The following HOMER2 variants were observed in gnomAD, a reference collection of about 807,000 sequenced individuals.
The protein encoded by HOMER2 is homer protein homolog 2.
In HOMER2, 27 loss-of-function variants were observed where a neutral mutation model predicts 47.0. That is an observed-to-expected ratio of 0.57 (90% CI 0.42 to 0.79). HOMER2 has a LOEUF of 0.79. Ranked by LOEUF, HOMER2 falls within the 30% of genes least tolerant of loss-of-function variation. HOMER2 has a pLI of 0.00. For missense variants in HOMER2, 443 were observed against 435.0 expected (o/e 1.02, Z -0.16); for synonymous variants, 161 against 163.8 (o/e 0.98, Z 0.13).
At chr15:82,947,595 C>G (rs769327005) in intron 1 of HOMER2, among the ~76,000 whole-genome samples, 1 of 152,140 alleles carries the variant, frequency 6.6e-6, no homozygotes, top group Non-Finnish European at 1.5e-5. Context: ...GCAGACGGCC[C>G]GAAAATTAAC....
At chr15:82,864,046 T>C (rs1240402552) in intron 4 of HOMER2, 121 bp downstream of exon 4, 2 of 608,636 alleles carry the variant, frequency 3.3e-6, no homozygotes, top group South Asian at 4.3e-5. Context: ...AGGCTAATAG[T>C]TGAAAAAGCC....
chr15:82,903,190 A>ATGAG lies in HOMER2; in HGVS notation c.6-10353_6-10350dup, dbSNP rs1281698674. On this transcript the variant is annotated intron_variant, in intron 1 of 8. Coordinates refer to ENST00000450735, the MANE Select transcript of HOMER2 (RefSeq NM_004839.4). ...TTCGCAATCATCCAGGCACCTGGAG[A>ATGAG]TGAGGGCCTGGCCTAGAGCGGTAGG... Among the ~76,000 whole-genome samples, 12 of 152,320 alleles carry ATGAG rather than the reference A, an allele frequency of 7.9e-5. No individual in the cohort carries two copies. In the South Asian group the frequency reaches 2.5e-3, roughly 32 times the overall value.
At chr15:82,970,244 T>C (rs542352444) in intron 1 of HOMER2, among the ~76,000 whole-genome samples, 4 of 152,222 alleles carry the variant, frequency 2.6e-5, no homozygotes, top group Admixed American at 6.5e-5. Context: ...TCAGCAGGGC[T>C]TGGGGACTAT....
chr15:82,965,408 C>T (rs74030853), intron 1 of HOMER2, among the ~76,000 whole-genome samples: 213 of 152,296 alleles, frequency 1.4e-3, no homozygotes, highest in African/African-American at 5.0e-3. Flanking sequence ...ATAAAAGATA[C>T]TGTTACCCAA....
chr15:82,900,179 C>A (rs1028067097), intron 1 of HOMER2, among the ~76,000 whole-genome samples: 3 of 152,120 alleles, frequency 2.0e-5, no homozygotes, highest in Non-Finnish European at 1.5e-5. Context: ...CCTATAGTCC[C>A]AGCCACTCAG....
intron 1 of HOMER2, among the ~76,000 whole-genome samples, chr15:82,915,446 T>G (rs1731509872): frequency 6.6e-6 from 1 of 152,192 alleles, no homozygotes; most frequent in Non-Finnish European, 1.5e-5. Flanking sequence ...CAGTGGCTCA[T>G]GCCTGTAATC....
At chr15:82,912,790 G>A (rs1792740322) in intron 1 of HOMER2, among the ~76,000 whole-genome samples, 1 of 152,206 alleles carries the variant, frequency 6.6e-6, no homozygotes. Flanking sequence ...CCTACTGGGT[G>A]TGAAGTGAAG....
exon 2 of HOMER2, chr15:82,842,900 T>A (rs1433688838): frequency 6.6e-6 from 1 of 152,106 alleles, no homozygotes; most frequent in Admixed American, 6.5e-5. Flanking sequence ...CAGAGGTTTT[T>A]AAAATTTTTT....
chr15:82,909,591 T>C (rs1254442160), intron 1 of HOMER2, among the ~76,000 whole-genome samples: 1 of 151,546 alleles, frequency 6.6e-6, no homozygotes, highest in Non-Finnish European at 1.5e-5. Flanking sequence ...GAGCAGGTAA[T>C]AGAGGCTAGG....
intron 1 of HOMER2, among the ~76,000 whole-genome samples, chr15:82,897,695 C>A (rs2052978691): frequency 6.6e-6 from 1 of 152,180 alleles, no homozygotes; most frequent in South Asian, 2.1e-4. Flanking sequence ...TTAGGGAGAT[C>A]CACCTTACAA....
intron 2 of HOMER2, among the ~76,000 whole-genome samples, chr15:82,889,235 T>C (rs2052635278): frequency 6.6e-6 from 1 of 152,212 alleles, no homozygotes; most frequent in Non-Finnish European, 1.5e-5. Context: ...AAAGTGGGGC[T>C]GACCCAGTGT....
intron 3 of HOMER2, among the ~76,000 whole-genome samples, chr15:82,870,991 C>G (rs898483889): frequency 6.6e-6 from 1 of 152,236 alleles, no homozygotes; most frequent in Admixed American, 6.5e-5. Context: ...ACCACTGGCT[C>G]ATTCTTATAT....
At chr15:82,853,559 G>T (rs763924660) in intron 6 of HOMER2, among the ~76,000 whole-genome samples, 4 of 152,190 alleles carry the variant, frequency 2.6e-5, no homozygotes, top group Admixed American at 6.5e-5. Context: ...AAGGGGGAGT[G>T]AACACCAATC....
chr15:82,927,973 CAAAA>C (rs928406358), intron 1 of HOMER2, among the ~76,000 whole-genome samples: 3 of 57,328 alleles, frequency 5.2e-5, no homozygotes, highest in Non-Finnish European at 8.6e-5. Flanking sequence ...AACTCCGTCT[CAAAA>C]AAAAAAAAAA....
rs2054536171 is a variant in HOMER2, at chr15:82,952,712, G to A, written c.-177C>T. On this transcript the variant is annotated 5_prime_UTR_variant, in exon 1 of 9. Transcript: ENST00000450735. ...CACTGCTGCCACTGCCGCCACCGCC[G>A]CCAGGCGCGGGCGGGCGGGGGCTGG... 6 of 982,476 alleles carry A rather than the reference G, an allele frequency of 6.1e-6. No individual in the cohort carries two copies. In the South Asian group the frequency reaches 2.3e-4, roughly 38 times the overall value. The allele number at this position is 982,476 out of a possible 1,614,324, so 60.9% of individuals were successfully genotyped here. A position where few individuals can be genotyped will look rare whatever the true frequency, so the allele number is the denominator to read the frequency against.
intron 6 of HOMER2, 135 bp downstream of exon 6, chr15:82,854,509 G>C (rs2051500451): frequency 1.2e-6 from 1 of 820,096 alleles, no homozygotes; most frequent in African/African-American, 1.7e-5. Flanking sequence ...CGTTCCCATG[G>C]GAGAGGCAGC....
chr15:82,889,669 C>A (rs1239181463), intron 2 of HOMER2, among the ~76,000 whole-genome samples: 1 of 152,152 alleles, frequency 6.6e-6, no homozygotes, highest in Non-Finnish European at 1.5e-5. Context: ...AAGGGGCAAG[C>A]CGCGGGGGAC....
At position 82,913,918 on chromosome 15, in the gene HOMER2, T is replaced by C. The variant is rs1341759878; in HGVS notation, c.6-21077A>G. 6.6e-6 allele frequency among the ~76,000 whole-genome samples: 1 copy of C among 152,170 alleles called. No homozygotes were observed. Among genetic ancestry groups the C allele is most frequent in the African/African-American group, 2.4e-5 (1 of 41,448 alleles). Reference sequence around the variant, plus strand: ...ATTGAAAGCAGACCCAAACAGCTACTTGTATGCCCAGGTTCAAAGCAGCAT... The same window carrying C: ...ATTGAAAGCAGACCCAAACAGCTACCTGTATGCCCAGGTTCAAAGCAGCAT... On this transcript the variant is annotated intron_variant, in intron 1 of 8. Transcript: ENST00000450735. This position sits in a 1 kb window ranked among gnomAD's most constrained non-coding sequence, Gnocchi z 4.1.
At chr15:82,960,291 T>C (rs1187782402) in intron 1 of HOMER2, among the ~76,000 whole-genome samples, 1 of 151,884 alleles carries the variant, frequency 6.6e-6, no homozygotes, top group African/African-American at 2.4e-5. Flanking sequence ...GAGGAACAAA[T>C]AAGAGGAGAT....
Sources: gnomAD v4.1 joint callset for allele counts (sites outside exome capture counted in the v4.1 genomes callset) on GRCh38, gnomAD v4.1.1 for gene constraint, Gnocchi (gnomAD v3.1) non-coding constraint, MANE v1.5 for transcripts, NCBI Gene and HGNC (gene_info 2026-07-23, HGNC 2026-07-21) for gene names.